The following RCBTB2 variants were observed in gnomAD, a reference collection of about 807,000 sequenced individuals.
RCBTB2 encodes RCC1 and BTB domain-containing protein 2.
A neutral mutation model predicts 65.4 loss-of-function variants in RCBTB2; 55 were observed. That is an observed-to-expected ratio of 0.84 (90% CI 0.68 to 1.05). The LOEUF is 1.05. RCBTB2 is among the 50% of genes least tolerant of loss of function. The probability of loss-of-function intolerance (pLI) is 0.00; values close to 1 mark genes in which losing one functional copy is unlikely to be tolerated. For missense variants in RCBTB2, 599 were observed against 680.1 expected (o/e 0.88, Z 1.33); for synonymous variants, 220 against 255.2 (o/e 0.86, Z 1.31).
Position 48,490,033 on chromosome 13 carries a change from A to C in RCBTB2, c.*78T>G. Reference sequence around the variant, plus strand: ...CCAAACATAGCTCATCATACATACTATTAATTAAAGAGAAGTGATTCATCT... The same window carrying C: ...CCAAACATAGCTCATCATACATACTCTTAATTAAAGAGAAGTGATTCATCT... On this transcript the variant is annotated 3_prime_UTR_variant, in exon 15 of 15. Transcript: ENST00000344532. 6.9e-7 allele frequency: 1 copy of C among 1,443,540 alleles called. No individual in the cohort carries two copies. The highest frequency in any genetic ancestry group is 9.7e-7 in the Non-Finnish European group (1 of 1,027,614). The allele number at this position is 1,443,540 out of a possible 1,614,324, so 89.4% of individuals were successfully genotyped here.
chr13:48,533,435 G>GA (rs1952294303), upstream of RCBTB2, among the ~76,000 whole-genome samples: 1 of 152,232 alleles, frequency 6.6e-6, no homozygotes, highest in African/African-American at 2.4e-5. Context: ...AGGCGTGTAT[G>GA]ATGCTGAGAG....
chr13:48,496,946 T>C (rs1950013559), intron 13 of RCBTB2, among the ~76,000 whole-genome samples: 1 of 152,044 alleles, frequency 6.6e-6, no homozygotes, highest in South Asian at 2.1e-4. Context: ...CAGAGCTATC[T>C]GTATCTGCTG....
intron 10 of RCBTB2, chr13:48,504,523 G>T: frequency 5.9e-6 from 1 of 170,774 alleles, no homozygotes; most frequent in Non-Finnish European, 1.2e-5. Context: ...CAAGTTTGAG[G>T]TCTCCCGCTC....
rs530095750 is a variant in RCBTB2, at chr13:48,501,615, T to C, written c.1244+127A>G. ...GTATATTTCTCCCCGCTCCACTGTATGCTTGTAAGAGCAAAAACAGCCTTA... is the reference window on the plus strand; with the variant it reads ...GTATATTTCTCCCCGCTCCACTGTACGCTTGTAAGAGCAAAAACAGCCTTA... On this transcript the variant is annotated intron_variant, in intron 12 of 14. Transcript: ENST00000344532. 7.0e-6 allele frequency: 5 copies of C among 710,820 alleles called. 1 individual carries two copies. The Admixed American group carries it at 1.1e-4, about 15-fold the overall frequency. 44.0% of individuals were successfully genotyped at this position (710,820 alleles called of 1,614,324 possible).
intron 2 of RCBTB2, among the ~76,000 whole-genome samples, chr13:48,524,415 A>G (rs1411513487): frequency 2.0e-5 from 3 of 152,216 alleles, no homozygotes; most frequent in Non-Finnish European, 4.4e-5. Context: ...AATCTTTATA[A>G]TATCCAAATG....
rs751426979 is a variant in RCBTB2 at position 48,501,733 on chromosome 13, A to C, written c.1244+9T>G. The C allele has an allele frequency of 6.2e-7, 1 of 1,606,436 alleles. No homozygotes were observed. Among genetic ancestry groups the C allele is most frequent in the Non-Finnish European group, 8.5e-7 (1 of 1,174,256 alleles). On this transcript the variant is annotated intron_variant, in intron 12 of 14. Coordinates refer to ENST00000344532, the MANE Select transcript of RCBTB2 (RefSeq NM_001268.4). ...ACTTTTCTCAATTCTCAAATAAATG[A>C]TTCCTTACCGAATCTTGAGAAGGAC... is the stretch of plus-strand genomic sequence containing the variant.
intron 7 of RCBTB2, 62 bp downstream of exon 7, chr13:48,512,667 C>T: frequency 7.5e-7 from 1 of 1,335,402 alleles, no homozygotes. Flanking sequence ...TCCAGGACTA[C>T]TATAGAAGTC....
intron 1 of RCBTB2, chr13:48,532,075 T>G (rs1952163472): frequency 6.6e-6 from 1 of 152,246 alleles, no homozygotes; most frequent in South Asian, 2.1e-4. Flanking sequence ...CGGTACAAAG[T>G]AGCTCCATGA....
intron 6 of RCBTB2, 77 bp downstream of exon 6, chr13:48,515,128 A>G: frequency 7.6e-7 from 1 of 1,307,276 alleles, no homozygotes; most frequent in Non-Finnish European, 1.1e-6. Context: ...AGAGCTAGCA[A>G]CTCTCAACCA....
chr13:48,493,092 C>G (rs1028692416), intron 14 of RCBTB2, among the ~76,000 whole-genome samples: 1 of 152,008 alleles, frequency 6.6e-6, no homozygotes, highest in Non-Finnish European at 1.5e-5. Flanking sequence ...CTAATCCATC[C>G]GCACATCCTG....
intron 1 of RCBTB2, 98 bp downstream of exon 1, chr13:48,532,930 G>A (rs1952254721): frequency 2.2e-6 from 1 of 451,412 alleles, no homozygotes; most frequent in Non-Finnish European, 4.5e-6. Context: ...GGGCCGCAGG[G>A]GCGGGGAGGG....
At chr13:48,504,345 G>A (rs953625154) in intron 10 of RCBTB2, 5 of 985,220 alleles carry the variant, frequency 5.1e-6, no homozygotes, top group African/African-American at 1.7e-5. Flanking sequence ...ATGATTTGGC[G>A]TCACCTCTGT....
At chr13:48,528,842 G>A (rs781184217) in intron 1 of RCBTB2, among the ~76,000 whole-genome samples, 2 of 151,966 alleles carry the variant, frequency 1.3e-5, no homozygotes, top group East Asian at 1.9e-4. Context: ...TAAACAGGAC[G>A]GACAAAACTA....
At chr13:48,511,958 G>C (rs1950821909) in intron 8 of RCBTB2, 58 bp downstream of exon 8, 1 of 1,606,560 alleles carries the variant, frequency 6.2e-7, no homozygotes. Context: ...TACCATACTG[G>C]CATGAGACTG....
At chr13:48,528,197 C>T (rs777422076) in intron 1 of RCBTB2, among the ~76,000 whole-genome samples, 5 of 152,134 alleles carry the variant, frequency 3.3e-5, no homozygotes, top group African/African-American at 1.2e-4. Flanking sequence ...CCACATTACC[C>T]CAACCCAATG....
In RCBTB2 at chr13:48,515,586, CTCA is replaced by C; in HGVS notation, c.195_197del (p.Asp65del). ...GCTGATTTATTTTCTTCAAAATTACCTCATCATTTACTGTAGTGTATAAAACTT... is the reference window on the plus strand; with the variant it reads ...GCTGATTTATTTTCTTCAAAATTACCTCATTTACTGTAGTGTATAAAACTT... On this transcript the variant is annotated inframe_deletion and splice_region_variant, in exon 5 of 15. Transcript: ENST00000344532. The C allele has an allele frequency of 1.9e-6, 3 of 1,583,870 alleles. No individual in the cohort carries two copies. The highest frequency in any genetic ancestry group is 1.7e-6 in the Non-Finnish European group (2 of 1,169,962).
intron 7 of RCBTB2, 146 bp downstream of exon 7, chr13:48,512,583 C>G (rs1950863365): frequency 7.2e-6 from 5 of 693,092 alleles, no homozygotes; most frequent in Non-Finnish European, 1.2e-5. Flanking sequence ...AACATCAACA[C>G]CCTGACTGTG....
chr13:48,496,137 C>A, intron 14 of RCBTB2, 54 bp downstream of exon 14: 1 of 1,403,876 alleles, frequency 7.1e-7, no homozygotes, highest in Non-Finnish European at 9.3e-7. Context: ...ACGAGGCAGA[C>A]ACCTGGGTTC....
chr13:48,532,813 T>G (rs1427547099), intron 1 of RCBTB2: 1 of 336,922 alleles, frequency 3.0e-6, no homozygotes, highest in East Asian at 1.1e-4. Flanking sequence ...GGAACCTAGC[T>G]CTTAACTCCC....
Sources: allele counts gnomAD v4.1 joint callset (sites outside exome capture counted in the v4.1 genomes callset), GRCh38; gene constraint gnomAD v4.1.1; transcripts MANE v1.5; gene names NCBI Gene and HGNC (gene_info 2026-07-23, HGNC 2026-07-21).